THRB: variants seen among roughly 807,000 people sequenced by gnomAD.
THRB encodes nuclear receptor subfamily 1 group A member 2.
A neutral mutation model predicts 47.8 loss-of-function variants in THRB; 12 were observed. That is an observed-to-expected ratio of 0.25 (90% CI 0.16 to 0.41). The LOEUF (loss-of-function observed/expected upper bound fraction) is 0.41. Among genes scored for constraint, THRB ranks in the 10% least tolerant of loss-of-function variants. The probability of loss-of-function intolerance (pLI) is 1.00; values close to 1 mark genes in which losing one functional copy is unlikely to be tolerated. For synonymous variants in THRB, 218 were observed against 212.2 expected, an observed-to-expected ratio of 1.03 and a Z score of -0.24; for missense variants, 348 against 589.2, an observed-to-expected ratio of 0.59 and a Z score of 4.24.
intron 6 of THRB, among the ~76,000 whole-genome samples, chr3:24,147,800 C>G (rs2149046443): frequency 6.6e-6 from 1 of 152,140 alleles, no homozygotes; most frequent in East Asian, 1.9e-4. Flanking sequence ...AGGAGGTGCT[C>G]TAAATATTTC....
At chr3:24,370,154 G>C (rs145072248) in intron 1 of THRB, among the ~76,000 whole-genome samples, 33 of 152,066 alleles carry the variant, frequency 2.2e-4, no homozygotes, top group African/African-American at 7.7e-4. Flanking sequence ...GCTTAGAACG[G>C]GGCATTATAA....
chr3:24,459,198 T>C (rs1352166635), intron 1 of THRB: 1 of 152,134 alleles, frequency 6.6e-6, no homozygotes, highest in Non-Finnish European at 1.5e-5. Context: ...AGTGAGAACA[T>C]GTGGTGTTTG....
chr3:24,190,911 C>A (rs929872833), intron 4 of THRB, among the ~76,000 whole-genome samples: 3 of 149,474 alleles, frequency 2.0e-5, no homozygotes, highest in African/African-American at 7.4e-5. Flanking sequence ...GGGAATCTTA[C>A]AAATAGAAGT....
intron 3 of THRB, among the ~76,000 whole-genome samples, chr3:24,290,698 T>C (rs2055835130): frequency 6.6e-6 from 1 of 152,184 alleles, no homozygotes; most frequent in Non-Finnish European, 1.5e-5. Context: ...TTTCTAGCAA[T>C]TGTTGATCCT....
chr3:24,199,299 C>T (rs146348156), intron 4 of THRB, among the ~76,000 whole-genome samples: 23 of 152,290 alleles, frequency 1.5e-4, no homozygotes, highest in Non-Finnish European at 2.9e-4. Context: ...TTCTTTTAGG[C>T]AAAGTCTTGC....
chr3:24,417,136 A>ATG (rs1553752912), intron 1 of THRB, among the ~76,000 whole-genome samples: 2 of 151,126 alleles, frequency 1.3e-5, no homozygotes, highest in South Asian at 2.1e-4. Context: ...ACACACACAC[A>ATG]CACGCGCAAC....
At chr3:24,262,149 A>C (rs1291154828) in intron 3 of THRB, among the ~76,000 whole-genome samples, 1 of 152,216 alleles carries the variant, frequency 6.6e-6, no homozygotes, top group Non-Finnish European at 1.5e-5. Flanking sequence ...GCCTCCCTTA[A>C]AAGTCAAACA....
At chr3:24,181,419 T>C (rs930837153) in intron 5 of THRB, among the ~76,000 whole-genome samples, 1 of 152,274 alleles carries the variant, frequency 6.6e-6, no homozygotes, top group African/African-American at 2.4e-5. Flanking sequence ...TCATCTGTTC[T>C]AAACATTCTC....
intron 4 of THRB, among the ~76,000 whole-genome samples, chr3:24,225,152 G>C (rs1339466345): frequency 6.6e-6 from 1 of 152,114 alleles, no homozygotes; most frequent in Non-Finnish European, 1.5e-5. Context: ...TTGTCATAAG[G>C]GAAATTTTTA....
chr3:24,143,770 C>T (rs1208132965), intron 7 of THRB, 64 bp from the exon 8 acceptor site: 16 of 1,560,274 alleles, frequency 1.0e-5, no homozygotes, highest in Non-Finnish European at 1.3e-5. Flanking sequence ...GCAAGCTGCA[C>T]TTCCTGGAGC....
chr3:24,160,561 C>T lies in THRB; in HGVS notation c.284-8071G>A, dbSNP rs374374791. On this transcript the variant is annotated intron_variant, in intron 5 of 10. Transcript: ENST00000646209. Reference sequence around the variant, plus strand: ...GGAAATTCTCTACAACAGCTGGTACCGAGGGAGCTGATGAGAGGGAAGTAC... The same window carrying T: ...GGAAATTCTCTACAACAGCTGGTACTGAGGGAGCTGATGAGAGGGAAGTAC... 2.6e-5 allele frequency among the ~76,000 whole-genome samples: 4 copies of T among 152,160 alleles called. No homozygotes were observed. In the East Asian group the frequency reaches 5.8e-4, roughly 22 times the overall value.
chr3:24,156,473 C>G (rs1343872743), intron 5 of THRB, among the ~76,000 whole-genome samples: 1 of 152,204 alleles, frequency 6.6e-6, no homozygotes, highest in African/African-American at 2.4e-5. Flanking sequence ...GAAGTAGCAG[C>G]ATGTGAGAAG....
intron 1 of THRB, among the ~76,000 whole-genome samples, chr3:24,425,709 T>C (rs1285380533): frequency 6.6e-6 from 1 of 151,894 alleles, no homozygotes; most frequent in Non-Finnish European, 1.5e-5. Flanking sequence ...TTGTGGTGCC[T>C]ATGGGGGATT....
chr3:24,125,147 A>C (rs560096816), intron 10 of THRB, among the ~76,000 whole-genome samples: 11 of 152,352 alleles, frequency 7.2e-5, no homozygotes, highest in Non-Finnish European at 1.3e-4. Flanking sequence ...GAAACATCTT[A>C]TTATTCAGTA....
At chr3:24,315,789 GAGA>G (rs2058075669) in intron 2 of THRB, among the ~76,000 whole-genome samples, 1 of 152,126 alleles carries the variant, frequency 6.6e-6, no homozygotes, top group Non-Finnish European at 1.5e-5. Flanking sequence ...TAATTGCAGG[GAGA>G]AGTAGTTCAC....
At chr3:24,204,760 G>T (rs1051784718) in intron 4 of THRB, among the ~76,000 whole-genome samples, 1 of 152,168 alleles carries the variant, frequency 6.6e-6, no homozygotes, top group Non-Finnish European at 1.5e-5. Flanking sequence ...CTTGAAAAAA[G>T]ATTAGACGAA....
chr3:24,168,214 T>C (rs2039908311), intron 5 of THRB, among the ~76,000 whole-genome samples: 1 of 152,110 alleles, frequency 6.6e-6, no homozygotes, highest in Non-Finnish European at 1.5e-5. Context: ...TACATTGAAT[T>C]TGAAATATGG....
chr3:24,244,191 T>C (rs2049878434), intron 3 of THRB, among the ~76,000 whole-genome samples: 1 of 152,144 alleles, frequency 6.6e-6, no homozygotes, highest in Non-Finnish European at 1.5e-5. Flanking sequence ...AGTATATAAA[T>C]GGCTGTAAAT....
At chr3:24,248,918 C>T (rs2050379252) in intron 3 of THRB, among the ~76,000 whole-genome samples, 1 of 152,116 alleles carries the variant, frequency 6.6e-6, no homozygotes, top group African/African-American at 2.4e-5. Flanking sequence ...CCTTTTTGCT[C>T]TTTTAGTGCT....
Sources: gnomAD v4.1 joint callset for allele counts (sites outside exome capture counted in the v4.1 genomes callset) on GRCh38, gnomAD v4.1.1 for gene constraint, MANE v1.5 for transcripts, NCBI Gene and HGNC (gene_info 2026-07-23, HGNC 2026-07-21) for gene names.